Variants in ATXN2 observed in about 807,000 individuals in gnomAD.
ATXN2 encodes ataxin-2.
Under a neutral mutation model 138.6 loss-of-function variants are expected in ATXN2, and 37 were observed. The observed-to-expected ratio is 0.27, with a 90% CI of 0.21 to 0.35. The LOEUF (loss-of-function observed/expected upper bound fraction) is 0.35, where lower values mean the gene tolerates loss of function less well. Ranked by LOEUF, ATXN2 falls within the 10% of genes least tolerant of loss-of-function variation. The probability of loss-of-function intolerance (pLI) is 1.00; values close to 1 mark genes in which losing one functional copy is unlikely to be tolerated. For missense variants in ATXN2, 1,216 were observed against 1,480.3 expected, an observed-to-expected ratio of 0.82 and a Z score of 2.93; for synonymous variants, 549 against 543.7, an observed-to-expected ratio of 1.01 and a Z score of -0.13.
intron 21 of ATXN2, 159 bp from the exon 22 acceptor site, chr12:111,457,518 G>GA: frequency 2.6e-6 from 2 of 761,850 alleles, no homozygotes; most frequent in East Asian, 2.9e-5. Flanking sequence ...CCATTGTCTT[G>GA]AAAAAATAAG....
At chr12:111,547,836 A>C (rs1241918244) in intron 5 of ATXN2, among the ~76,000 whole-genome samples, 1 of 100,224 alleles carries the variant, frequency 1.0e-5, no homozygotes, top group Non-Finnish European at 1.9e-5. Flanking sequence ...TTGCTTGAGA[A>C]TTTTTTTTTT....
At chr12:111,561,710 T>C (rs1474479747) in intron 1 of ATXN2, among the ~76,000 whole-genome samples, 1 of 151,958 alleles carries the variant, frequency 6.6e-6, no homozygotes, top group Non-Finnish European at 1.5e-5. Context: ...GGCACATGTC[T>C]GTAATCCCAG....
chr12:111,557,674 C>T (rs11065951), intron 1 of ATXN2, among the ~76,000 whole-genome samples: 15,302 of 152,164 alleles, frequency 0.1, 2,570 homozygotes, highest in African/African-American at 0.35. Flanking sequence ...TCTGATTCCA[C>T]GTCTAAGTTT....
chr12:111,547,797 T>G lies in ATXN2; in HGVS notation c.571+4483A>C, dbSNP rs1264333527. Among the ~76,000 whole-genome samples the G allele has an allele frequency of 2.7e-5, 4 of 146,706 alleles. 1 individual carries two copies. The highest frequency in any genetic ancestry group is 4.9e-5 in the African/African-American group (2 of 40,492). ...AAGATTAAAAAAAAAAAAAAAAAAC[T>G]TGAACAACATAATAGTCTGCATCTT... On this transcript the variant is annotated intron_variant, in intron 5 of 24. Transcript: ENST00000673436.
At chr12:111,546,713 C>G (rs1352539921) in intron 5 of ATXN2, among the ~76,000 whole-genome samples, 1 of 152,078 alleles carries the variant, frequency 6.6e-6, no homozygotes, top group Non-Finnish European at 1.5e-5. Context: ...AAAAAACAAG[C>G]AGAGATAACA....
intron 5 of ATXN2, among the ~76,000 whole-genome samples, chr12:111,536,396 A>C (rs1365763462): frequency 6.6e-6 from 1 of 152,218 alleles, no homozygotes; most frequent in Non-Finnish European, 1.5e-5. Context: ...ACAGTGAGAT[A>C]CTACTTCTTA....
At chr12:111,480,067 A>G (rs1378694794) in intron 18 of ATXN2, among the ~76,000 whole-genome samples, 1 of 151,856 alleles carries the variant, frequency 6.6e-6, no homozygotes, top group Non-Finnish European at 1.5e-5. Flanking sequence ...GATAAATCTA[A>G]TCTATAGTAA....
At chr12:111,582,192 C>T (rs1337909273) in intron 1 of ATXN2, among the ~76,000 whole-genome samples, 1 of 152,078 alleles carries the variant, frequency 6.6e-6, no homozygotes, top group Non-Finnish European at 1.5e-5. Flanking sequence ...TTGTAGGGCG[C>T]AGACACTTTG....
intron 18 of ATXN2, among the ~76,000 whole-genome samples, chr12:111,474,537 C>T (rs558298509): frequency 3.3e-5 from 5 of 152,206 alleles, no homozygotes; most frequent in Admixed American, 6.5e-5. Flanking sequence ...ACCAGGAATT[C>T]GCAGCAGCAG....
At chr12:111,553,293 C>A (rs191498557) in intron 3 of ATXN2, among the ~76,000 whole-genome samples, 4 of 152,132 alleles carry the variant, frequency 2.6e-5, no homozygotes, top group African/African-American at 9.6e-5. Context: ...GCAGGGTTAA[C>A]AAGAATACAG....
intron 1 of ATXN2, among the ~76,000 whole-genome samples, chr12:111,557,803 T>TG (rs1003722441): frequency 8.6e-5 from 13 of 152,004 alleles, no homozygotes; most frequent in African/African-American, 2.7e-4. Flanking sequence ...GGTAGGGGTG[T>TG]GGGGGGGTGT....
intron 1 of ATXN2, among the ~76,000 whole-genome samples, chr12:111,585,269 T>C (rs1219266801): frequency 1.3e-5 from 2 of 152,048 alleles, no homozygotes; most frequent in African/African-American, 4.8e-5. Flanking sequence ...TCCCGGCACT[T>C]TGGGAGGCCT....
intron 1 of ATXN2, among the ~76,000 whole-genome samples, chr12:111,588,789 A>C (rs1166422144): frequency 1.3e-5 from 2 of 150,750 alleles, no homozygotes; most frequent in Non-Finnish European, 3.0e-5. Flanking sequence ...CGGGAGATTG[A>C]GACAATCCTG....
At chr12:111,539,313 G>A (rs989153437) in intron 5 of ATXN2, among the ~76,000 whole-genome samples, 6 of 149,656 alleles carry the variant, frequency 4.0e-5, no homozygotes, top group African/African-American at 1.5e-4. Context: ...GTGGGACCTC[G>A]TCTCTACTTA....
chr12:111,519,067 T>C (rs1388158054), intron 8 of ATXN2, among the ~76,000 whole-genome samples: 1 of 152,180 alleles, frequency 6.6e-6, no homozygotes, highest in East Asian at 1.9e-4. Flanking sequence ...ATGTTTCCTC[T>C]CTCTCTTACC....
intron 1 of ATXN2, among the ~76,000 whole-genome samples, chr12:111,586,095 G>C (rs181323589): frequency 6.6e-6 from 1 of 151,904 alleles, no homozygotes; most frequent in East Asian, 1.9e-4. Context: ...TGTTGAGATG[G>C]GGTTTCCCTG....
rs1874879196 is a variant in ATXN2, at chr12:111,454,051, A to G, written c.3271-206T>C. The stretch of plus-strand genomic sequence containing the variant: ...CCTTTGGGCAGATCCTGCAAGGGTC[A>G]GGGAGCAGGCAACAAGTGAGCCTGG... On this transcript the variant is annotated intron_variant, in intron 23 of 24. Coordinates refer to ENST00000673436, the MANE Select transcript of ATXN2 (RefSeq NM_001372574.1). 6 of 526,454 alleles carry G rather than the reference A, an allele frequency of 1.1e-5. No individual in the cohort carries two copies. The South Asian group carries it at 1.3e-4, about 12-fold the overall frequency. The allele number at this position is 526,454 out of a possible 1,614,324, so 32.6% of individuals were successfully genotyped here.
At chr12:111,591,078 G>C (rs780195773) in intron 1 of ATXN2, among the ~76,000 whole-genome samples, 4 of 151,792 alleles carry the variant, frequency 2.6e-5, no homozygotes, top group South Asian at 2.1e-4. Context: ...TTTTAGTAGA[G>C]GGGGGTTTCA....
At chr12:111,528,524 T>C (rs776861148) in intron 5 of ATXN2, among the ~76,000 whole-genome samples, 15 of 152,222 alleles carry the variant, frequency 9.9e-5, no homozygotes, top group Non-Finnish European at 2.1e-4. Context: ...TCTATTTTTC[T>C]CAATGCTACA....
Sources: gnomAD v4.1 joint callset for allele counts (sites outside exome capture counted in the v4.1 genomes callset) on GRCh38, gnomAD v4.1.1 for gene constraint, MANE v1.5 for transcripts, NCBI Gene and HGNC (gene_info 2026-07-23, HGNC 2026-07-21) for gene names.